The following CFAP144 variants were observed in gnomAD, a reference collection of about 807,000 sequenced individuals.
CFAP144 encodes the protein cilia- and flagella-associated protein 144.
the CFAP144 span, among the ~76,000 whole-genome samples, chr1:43,151,109 G>A: frequency 1.2e-4 from 19 of 152,206 alleles, no homozygotes; most frequent in Admixed American, 1.2e-3. Context: ...CATTGCCTTC[G>A]TTCATTCATC....
At chr1:43,153,476 G>A in the CFAP144 span, among the ~76,000 whole-genome samples, 3 of 152,052 alleles carry the variant, frequency 2.0e-5, no homozygotes, top group African/African-American at 7.2e-5. Context: ...TGGGCATGGT[G>A]TCGCACGCTT....
chr1:43,143,218 C>T, the CFAP144 span, among the ~76,000 whole-genome samples: 1 of 152,152 alleles, frequency 6.6e-6, no homozygotes, highest in Non-Finnish European at 1.5e-5. Flanking sequence ...CACATTCCCA[C>T]ACTGAAGTAC....
the CFAP144 span, among the ~76,000 whole-genome samples, chr1:43,143,392 CAT>C: frequency 6.6e-6 from 1 of 152,036 alleles, no homozygotes; most frequent in African/African-American, 2.4e-5. Context: ...GCTGAACTTC[CAT>C]AGAGTACAAC....
the CFAP144 span, chr1:43,156,388 T>A: frequency 8.5e-7 from 1 of 1,176,964 alleles, no homozygotes. Context: ...AATACTACTT[T>A]AAAACGAAGT....
At chr1:43,154,260 A>T in the CFAP144 span, among the ~76,000 whole-genome samples, 6 of 145,384 alleles carry the variant, frequency 4.1e-5, no homozygotes, top group African/African-American at 7.4e-5. Context: ...ATTAAATAAA[A>T]TTTTATATAA....
At chr1:43,147,857 G>C in the CFAP144 span, 2 of 1,557,552 alleles carry the variant, frequency 1.3e-6, no homozygotes, top group Non-Finnish European at 1.7e-6. Context: ...CTGTTGCCTG[G>C]AGACCACGGG....
chr1:43,156,277 T>A, the CFAP144 span: 1 of 1,614,022 alleles, frequency 6.2e-7, no homozygotes, highest in East Asian at 2.2e-5. Flanking sequence ...TGTACAAGGC[T>A]AAAACGTGGG....
the CFAP144 span, chr1:43,148,190 TC>T: frequency 8.6e-7 from 1 of 1,162,322 alleles, no homozygotes; most frequent in Non-Finnish European, 1.2e-6. Context: ...AAAAACTCTT[TC>T]CCCAGCACCC....
the CFAP144 span, chr1:43,147,835 A>G: frequency 3.3e-6 from 5 of 1,536,384 alleles, no homozygotes; most frequent in Non-Finnish European, 3.5e-6. Context: ...ACCGGGCAGC[A>G]CTACCCGAGC....
the CFAP144 span, chr1:43,145,098 G>A: frequency 6.2e-6 from 4 of 647,956 alleles, no homozygotes; most frequent in Non-Finnish European, 1.1e-5. Flanking sequence ...ATCCTCTTCA[G>A]ATGCCAGAGA....
chr1:43,148,157 C>A, the CFAP144 span: 1 of 1,437,636 alleles, frequency 7.0e-7, no homozygotes, highest in Non-Finnish European at 9.5e-7. Context: ...CTCCGGGTTG[C>A]GGGGTGGGAA....
chr1:43,144,248 A>T, the CFAP144 span, among the ~76,000 whole-genome samples: 2 of 152,010 alleles, frequency 1.3e-5, no homozygotes, highest in African/African-American at 4.8e-5. Context: ...TCCCATGACA[A>T]CTCTTAAACC....
At chr1:43,145,871 TGC>T in the CFAP144 span, among the ~76,000 whole-genome samples, 1 of 152,228 alleles carries the variant, frequency 6.6e-6, no homozygotes, top group South Asian at 2.1e-4. Flanking sequence ...GTAGTGCTGT[TGC>T]AAGCTTAGAC....
the CFAP144 span, chr1:43,145,179 G>C: frequency 7.9e-7 from 1 of 1,270,808 alleles, no homozygotes; most frequent in Non-Finnish European, 1.1e-6. Context: ...GGTTCTCTAC[G>C]TTTGAGACTG....
the CFAP144 span, among the ~76,000 whole-genome samples, chr1:43,150,443 C>T: frequency 2.6e-5 from 4 of 152,182 alleles, no homozygotes; most frequent in Admixed American, 6.5e-5. Context: ...AGCCATTAAC[C>T]GCCTGCAGCT....
chr1:43,151,632 GA>G, the CFAP144 span, among the ~76,000 whole-genome samples: 1 of 152,278 alleles, frequency 6.6e-6, no homozygotes, highest in East Asian at 1.9e-4. Context: ...TACAGGTGGA[GA>G]AAGGGCCCTA....
chr1:43,147,701 A>G, the CFAP144 span: 1 of 895,352 alleles, frequency 1.1e-6, no homozygotes, highest in African/African-American at 1.8e-5. Flanking sequence ...GCCGGGCCTG[A>G]GGAGCTGGGG....
chr1:43,153,479 G>C, the CFAP144 span, among the ~76,000 whole-genome samples: 6 of 151,894 alleles, frequency 4.0e-5, no homozygotes, highest in Non-Finnish European at 8.8e-5. Flanking sequence ...GCATGGTGTC[G>C]CACGCTTATA....
chr1:43,145,430 AT>A, the CFAP144 span: 2 of 697,528 alleles, frequency 2.9e-6, no homozygotes, highest in South Asian at 3.5e-5. Context: ...CCCAGACTCC[AT>A]TTTCTTCATC....
Sources: allele counts gnomAD v4.1 joint callset (sites outside exome capture counted in the v4.1 genomes callset), GRCh38; gene constraint gnomAD v4.1.1; transcripts MANE v1.5; gene names NCBI Gene and HGNC (gene_info 2026-07-23, HGNC 2026-07-21).